The following DGKG variants were observed in gnomAD, a reference collection of about 807,000 sequenced individuals.
DGKG encodes the protein DAG kinase gamma.
DGKG carries 78 observed loss-of-function variants against 105.3 expected under a neutral mutation model. The observed-to-expected ratio is 0.74, with a 90% CI of 0.62 to 0.89. DGKG has a LOEUF of 0.89. Among genes scored for constraint, DGKG ranks in the 40% least tolerant of loss-of-function variants. DGKG has a pLI of 0.00. For missense variants in DGKG, 958 were observed against 1,020.1 expected, an observed-to-expected ratio of 0.94 and a Z score of 0.83; for synonymous variants, 346 against 367.1, an observed-to-expected ratio of 0.94 and a Z score of 0.66.
Position 186,210,634 on chromosome 3 carries a change from C to T in DGKG, c.1917+1161G>A, listed in dbSNP as rs1244883814. 1 of 454,114 alleles carries T rather than the reference C, an allele frequency of 2.2e-6. No individual in the cohort carries two copies. Among genetic ancestry groups the T allele is most frequent in the Non-Finnish European group, 4.4e-6 (1 of 226,686 alleles). The allele number at this position is 454,114 out of a possible 1,614,324, so 28.1% of individuals were successfully genotyped here. ...GAAAACTCCCTGTGAGTGAGGAGCACAGGGGCCCTTCCGGCAGGGAGGGGC... is the reference window on the plus strand; with the variant it reads ...GAAAACTCCCTGTGAGTGAGGAGCATAGGGGCCCTTCCGGCAGGGAGGGGC... On this transcript the variant is annotated intron_variant, in intron 21 of 24. Transcript: ENST00000265022. The surrounding 1 kb of genome is among the most constrained non-coding windows in gnomAD (Gnocchi z 5.2).
chr3:186,350,115 C>G (rs1726557095), intron 1 of DGKG, among the ~76,000 whole-genome samples: 1 of 152,140 alleles, frequency 6.6e-6, no homozygotes, highest in Non-Finnish European at 1.5e-5. Flanking sequence ...GTCTCGAACT[C>G]CTGACCTCTG....
At chr3:186,248,905 C>A (rs980278557) in intron 19 of DGKG, among the ~76,000 whole-genome samples, 3 of 152,172 alleles carry the variant, frequency 2.0e-5, no homozygotes, top group Non-Finnish European at 4.4e-5. Flanking sequence ...GAAACTATGT[C>A]TGGTGTGCAG....
chr3:186,285,253 G>A (rs371938567), intron 6 of DGKG, among the ~76,000 whole-genome samples: 3 of 152,090 alleles, frequency 2.0e-5, no homozygotes, highest in Non-Finnish European at 4.4e-5. Flanking sequence ...CAAATCAACT[G>A]GGCTTAGAAC....
At chr3:186,178,005 T>A (rs1275724382) in intron 22 of DGKG, among the ~76,000 whole-genome samples, 1 of 152,104 alleles carries the variant, frequency 6.6e-6, no homozygotes, top group East Asian at 1.9e-4. Flanking sequence ...CTTGTGAATG[T>A]GATTAGTTCC....
rs1300784510 is a variant in DGKG, at chr3:186,355,278, A to G, written c.-249+6668T>C. On this transcript the variant is annotated intron_variant, in intron 1 of 24. Transcript: ENST00000265022. ...CAACACCAACACCACTACCACCAGC[A>G]CGATCATCATCACCACCATTATTGT... Among the ~76,000 whole-genome samples the G allele has an allele frequency of 2.5e-3, 62 of 24,492 alleles. No individual in the cohort carries two copies. The East Asian group carries it at 0.031, about 12-fold the overall frequency. The allele number at this position is 24,492 out of a possible 152,430, so 16.1% of individuals were successfully genotyped here.
intron 3 of DGKG, among the ~76,000 whole-genome samples, chr3:186,299,670 C>T (rs1723775035): frequency 6.6e-6 from 1 of 152,080 alleles, no homozygotes; most frequent in African/African-American, 2.4e-5. Context: ...AACTTCATTG[C>T]CTCAGAATGT....
chr3:186,216,080 C>T (rs1461970827), intron 20 of DGKG, among the ~76,000 whole-genome samples: 1 of 151,868 alleles, frequency 6.6e-6, no homozygotes, highest in Non-Finnish European at 1.5e-5. Flanking sequence ...CTCACTGCAA[C>T]CTCCGCCTCC....
intron 1 of DGKG, among the ~76,000 whole-genome samples, chr3:186,352,120 TGAGAACCACTAGCTTA>T (rs1726662466): frequency 6.6e-6 from 1 of 152,082 alleles, no homozygotes; most frequent in South Asian, 2.1e-4. Context: ...TAAACAGACT[TGAGAACCACTAGCTTA>T]GAGAGAAAGA....
At chr3:186,289,358 T>G (rs532970137) in intron 5 of DGKG, among the ~76,000 whole-genome samples, 6 of 152,330 alleles carry the variant, frequency 3.9e-5, no homozygotes, top group African/African-American at 1.4e-4. Flanking sequence ...AAACCGGGAT[T>G]GATAATTAAC....
rs1380704510 is a variant in DGKG at position 186,292,489 on chromosome 3, T to C, written c.374-3609A>G. Among the ~76,000 whole-genome samples the C allele has an allele frequency of 6.6e-5, 10 of 152,234 alleles. No individual in the cohort carries two copies. In the East Asian group the frequency reaches 9.6e-4, roughly 15 times the overall value. ...CATTCAAGTAAATGACTTAACTAAG[T>C]GAAGAACAAAACTGGGTCCCAAGGC... On this transcript the variant is annotated intron_variant, in intron 5 of 24. Transcript: ENST00000265022.
At chr3:186,243,034 CAT>C (rs958485669) in intron 19 of DGKG, among the ~76,000 whole-genome samples, 2 of 151,920 alleles carry the variant, frequency 1.3e-5, no homozygotes, top group Non-Finnish European at 2.9e-5. Flanking sequence ...GCAAAAATAG[CAT>C]AGAGTTCCTA....
In DGKG at chr3:186,244,908, C is replaced by T. The variant is rs534551270; in HGVS notation, c.1762-2340G>A. Among the ~76,000 whole-genome samples the T allele has an allele frequency of 2.6e-5, 4 of 152,102 alleles. No homozygotes were observed. In the South Asian group the frequency reaches 8.3e-4, roughly 32 times the overall value. ...CTCTCTGAGCAAATTTCAGTGAACACCCTCAATAAGATTCATGTGACATTT... is the reference window on the plus strand; with the variant it reads ...CTCTCTGAGCAAATTTCAGTGAACATCCTCAATAAGATTCATGTGACATTT... On this transcript the variant is annotated intron_variant, in intron 19 of 24. Transcript: ENST00000265022.
At chr3:186,355,978 T>G (rs952849561) in intron 1 of DGKG, among the ~76,000 whole-genome samples, 4 of 152,176 alleles carry the variant, frequency 2.6e-5, no homozygotes, top group Non-Finnish European at 5.9e-5. Flanking sequence ...CCAACAAAAT[T>G]GCTTCTTTGA....
At position 186,205,690 on chromosome 3, in the gene DGKG, A is replaced by T. The variant is rs189919543; in HGVS notation, c.1917+6105T>A. On this transcript the variant is annotated intron_variant, in intron 21 of 24. Coordinates refer to ENST00000265022, the MANE Select transcript of DGKG (RefSeq NM_001346.3). ...GCACCACCGCACTCCAGCCTGGGTG[A>T]CAGCAAGAGCTCCATCTCAAAAAAA... Among the ~76,000 whole-genome samples, 369 of 151,034 alleles carry T rather than the reference A, an allele frequency of 2.4e-3. 3 individuals carry two copies. Among genetic ancestry groups the T allele is most frequent in the Admixed American group, 3.6e-3 (55 of 15,074 alleles).
chr3:186,273,428 G>T (rs1467237543), intron 10 of DGKG, among the ~76,000 whole-genome samples: 1 of 139,576 alleles, frequency 7.2e-6, no homozygotes, highest in Non-Finnish European at 1.5e-5. Context: ...AGGCTGGAGT[G>T]CAGTGATGCA....
chr3:186,149,720 G>T lies in DGKG; in HGVS notation c.*370C>A. 1 of 1,016,994 alleles carries T rather than the reference G, an allele frequency of 9.8e-7. No homozygotes were observed. Among genetic ancestry groups the T allele is most frequent in the Non-Finnish European group, 1.2e-6 (1 of 848,930 alleles). 63.0% of individuals were successfully genotyped at this position (1,016,994 alleles called of 1,614,324 possible). ...AGGAAACCTGCAGCCTGCTCCTCGCGAGCGTCCATGAGGAAACTTGCAGGG... is the reference window on the plus strand; with the variant it reads ...AGGAAACCTGCAGCCTGCTCCTCGCTAGCGTCCATGAGGAAACTTGCAGGG... On this transcript the variant is annotated 3_prime_UTR_variant, in exon 25 of 25. Transcript: ENST00000265022.
chr3:186,297,371 G>C, intron 5 of DGKG, 50 bp downstream of exon 5: 3 of 1,385,366 alleles, frequency 2.2e-6, no homozygotes, highest in Non-Finnish European at 3.1e-6. Flanking sequence ...TCTCCCCAAG[G>C]ATGAGGTATT....
chr3:186,173,948 C>A (rs1457772978), intron 22 of DGKG, among the ~76,000 whole-genome samples: 1 of 152,208 alleles, frequency 6.6e-6, no homozygotes, highest in Non-Finnish European at 1.5e-5. Context: ...GAAGAATACT[C>A]TGTGATTAAT....
chr3:186,355,306 C>A (rs1195287611), intron 1 of DGKG, among the ~76,000 whole-genome samples: 2 of 25,226 alleles, frequency 7.9e-5, no homozygotes, highest in East Asian at 0.022. Context: ...ATTATTGTCA[C>A]CCCCCACCAC....
Sources: allele counts gnomAD v4.1 joint callset (sites outside exome capture counted in the v4.1 genomes callset), GRCh38; gene constraint gnomAD v4.1.1; non-coding constraint Gnocchi (gnomAD v3.1); transcripts MANE v1.5; gene names NCBI Gene and HGNC (gene_info 2026-07-23, HGNC 2026-07-21).